LZTFL1: variants seen among roughly 807,000 people sequenced by gnomAD.
The protein encoded by LZTFL1 is leucine zipper transcription factor like 1, also known as leucine zipper transcription factor-like protein 1.
A neutral mutation model predicts 45.9 loss-of-function variants in LZTFL1; 25 were observed. The observed-to-expected ratio is 0.54, with a 90% confidence interval of 0.40 to 0.76. LZTFL1 has a LOEUF of 0.76. Ranked by LOEUF, LZTFL1 falls within the 30% of genes least tolerant of loss-of-function variation. The probability of loss-of-function intolerance (pLI) is 0.00; values close to 1 mark genes in which losing one functional copy is unlikely to be tolerated. For missense variants in LZTFL1, 277 were observed against 331.1 expected, an observed-to-expected ratio of 0.84 and a Z score of 1.27; for synonymous variants, 93 against 117.4, an observed-to-expected ratio of 0.79 and a Z score of 1.35.
intron 2 of LZTFL1, among the ~76,000 whole-genome samples, chr3:45,888,272 G>A (rs943746308): frequency 1.3e-5 from 2 of 152,066 alleles, no homozygotes; most frequent in South Asian, 2.1e-4. Context: ...CCCTCCCCTC[G>A]TTGCATGTCT....
intron 2 of LZTFL1, among the ~76,000 whole-genome samples, chr3:45,880,996 A>G (rs954876104): frequency 1.3e-5 from 2 of 152,232 alleles, no homozygotes; most frequent in African/African-American, 2.4e-5. Flanking sequence ...AAGGATTCCA[A>G]TGAGATCTTC....
At chr3:45,896,115 G>T (rs1299507654) in intron 2 of LZTFL1, among the ~76,000 whole-genome samples, 1 of 152,216 alleles carries the variant, frequency 6.6e-6, no homozygotes, top group Admixed American at 6.5e-5. Flanking sequence ...TTTGGTCCTG[G>T]TGAAGTAACT....
chr3:45,827,475 T>C lies in LZTFL1; in HGVS notation c.778-16A>G, dbSNP rs1700698070. On this transcript the variant is annotated splice_polypyrimidine_tract_variant and intron_variant, in intron 8 of 9. Coordinates refer to ENST00000296135, the MANE Select transcript of LZTFL1 (RefSeq NM_020347.4). ...TTTCTAATTCCTGCTTAGTAAAAAA[T>C]GTCAGCCCATTACTAAAAAAATAGT... 1 of 1,491,716 alleles carries C rather than the reference T, an allele frequency of 6.7e-7. No individual in the cohort carries two copies. Among genetic ancestry groups the C allele is most frequent in the Non-Finnish European group, 9.4e-7 (1 of 1,069,340 alleles). 92.4% of individuals were successfully genotyped at this position (1,491,716 alleles called of 1,614,324 possible).
intron 1 of LZTFL1, among the ~76,000 whole-genome samples, chr3:45,840,705 A>G (rs553015826): frequency 1.3e-5 from 2 of 152,234 alleles, no homozygotes; most frequent in Non-Finnish European, 2.9e-5. Context: ...TTGTACCACA[A>G]ATTGTGTATG....
chr3:45,887,251 C>CTGTGTGTGTG (rs36040178), intron 2 of LZTFL1, among the ~76,000 whole-genome samples: 2,089 of 149,204 alleles, frequency 0.014, 46 homozygotes, highest in African/African-American at 0.049. Flanking sequence ...GCGTGTGTGT[C>CTGTGTGTGTG]TGTGTGTGTG....
chr3:45,912,860 A>G (rs9810934), intron 2 of LZTFL1, among the ~76,000 whole-genome samples: 126,945 of 152,184 alleles, frequency 0.83, 53,518 homozygotes, highest in East Asian at 1. Context: ...TTTTGAGGTT[A>G]TCCAACTTCA....
At chr3:45,869,622 T>G (rs1332144686) in intron 2 of LZTFL1, among the ~76,000 whole-genome samples, 2 of 152,218 alleles carry the variant, frequency 1.3e-5, no homozygotes, top group African/African-American at 2.4e-5. Context: ...GTGTCATTGA[T>G]GTACCCCTCC....
intron 3 of LZTFL1, among the ~76,000 whole-genome samples, chr3:45,857,771 C>G (rs544020923): frequency 2.6e-4 from 40 of 152,288 alleles, no homozygotes; most frequent in Middle Eastern, 3.4e-3. Context: ...GAGGAAGGTA[C>G]AGAGATTTCT....
chr3:45,869,494 C>G (rs920445457), intron 2 of LZTFL1, among the ~76,000 whole-genome samples: 1 of 152,098 alleles, frequency 6.6e-6, no homozygotes, highest in Non-Finnish European at 1.5e-5. Flanking sequence ...TACCCTGGGC[C>G]CCCAAGTTCT....
intron 2 of LZTFL1, among the ~76,000 whole-genome samples, chr3:45,861,224 A>C (rs1221760844): frequency 6.6e-6 from 1 of 151,892 alleles, no homozygotes; most frequent in African/African-American, 2.4e-5. Context: ...AAAAAAAAAA[A>C]AACCCCAAAA....
chr3:45,894,032 A>T (rs1702271905), intron 2 of LZTFL1, among the ~76,000 whole-genome samples: 1 of 152,172 alleles, frequency 6.6e-6, no homozygotes. Flanking sequence ...GTGATGCTGG[A>T]CAGGTTTCCT....
At chr3:45,886,109 C>T (rs566314401) in intron 2 of LZTFL1, among the ~76,000 whole-genome samples, 9 of 152,332 alleles carry the variant, frequency 5.9e-5, no homozygotes, top group East Asian at 5.8e-4. Context: ...GGTTCTGGTA[C>T]GTCTGTCAAG....
Position 45,823,347 on chromosome 3 carries a change from T to A in LZTFL1, c.*2967A>T, listed in dbSNP as rs1700584403. ...TTTGTCTAACAGTGGTTTTTTAATC[T>A]GTAAAAGTTAAAGGATGTATTATAG... On this transcript the variant is annotated 3_prime_UTR_variant, in exon 10 of 10. Coordinates refer to ENST00000296135, the MANE Select transcript of LZTFL1 (RefSeq NM_020347.4). 6.6e-6 allele frequency: 1 copy of A among 152,236 alleles called. No individual in the cohort carries two copies. The highest frequency in any genetic ancestry group is 2.1e-4 in the South Asian group (1 of 4,834). 9.4% of individuals were successfully genotyped at this position (152,236 alleles called of 1,614,324 possible). A position where few individuals can be genotyped will look rare whatever the true frequency, so the allele number is the denominator to read the frequency against.
At chr3:45,902,028 A>T in intron 2 of LZTFL1, 1 of 785,434 alleles carries the variant, frequency 1.3e-6, no homozygotes, top group South Asian at 2.1e-5. Context: ...GAACTATATG[A>T]TTACTTGTAG....
At chr3:45,860,168 C>T (rs1166424842) in intron 2 of LZTFL1, among the ~76,000 whole-genome samples, 1 of 151,974 alleles carries the variant, frequency 6.6e-6, no homozygotes, top group Non-Finnish European at 1.5e-5. Flanking sequence ...GCCGAGATTG[C>T]GCCACTGCAC....
At chr3:45,908,586 T>G (rs1702726948) in intron 2 of LZTFL1, among the ~76,000 whole-genome samples, 1 of 151,536 alleles carries the variant, frequency 6.6e-6, no homozygotes, top group Admixed American at 6.6e-5. Context: ...GAGGTAGCGT[T>G]TGAGCTGAGA....
chr3:45,842,018 A>C lies in LZTFL1; in HGVS notation c.-27T>G. The C allele has an allele frequency of 6.2e-7, 1 of 1,607,946 alleles. No homozygotes were observed. The highest frequency in any genetic ancestry group is 8.5e-7 in the Non-Finnish European group (1 of 1,178,444). ...GCGGCAGGCAGCGGCGGCAGCCTAAAGGAACGGGAGAGGCCAGGCGGTGCC... is the reference window on the plus strand; with the variant it reads ...GCGGCAGGCAGCGGCGGCAGCCTAACGGAACGGGAGAGGCCAGGCGGTGCC... On this transcript the variant is annotated 5_prime_UTR_variant, in exon 1 of 10. Coordinates refer to ENST00000296135, the MANE Select transcript of LZTFL1 (RefSeq NM_020347.4).
At chr3:45,835,887 A>G in intron 2 of LZTFL1, 103 bp from the exon 3 acceptor site, 1 of 713,206 alleles carries the variant, frequency 1.4e-6, no homozygotes, top group Non-Finnish European at 2.2e-6. Flanking sequence ...TAAGAAATTC[A>G]AAGATTACAG....
At chr3:45,907,976 C>A (rs1002807050) in intron 2 of LZTFL1, among the ~76,000 whole-genome samples, 1 of 152,168 alleles carries the variant, frequency 6.6e-6, no homozygotes. Flanking sequence ...GAGAGTTAGG[C>A]AAGAAAGACA....
Sources: allele counts gnomAD v4.1 joint callset (sites outside exome capture counted in the v4.1 genomes callset), GRCh38; gene constraint gnomAD v4.1.1; transcripts MANE v1.5; gene names NCBI Gene and HGNC (gene_info 2026-07-23, HGNC 2026-07-21).